The following ANKS1A variants were observed in gnomAD, a reference collection of about 807,000 sequenced individuals.
ANKS1A encodes ankyrin repeat and sterile alpha motif domain containing 1A, also known as ankyrin repeat and SAM domain-containing protein 1A.
In ANKS1A, 55 loss-of-function variants were observed where a neutral mutation model predicts 120.3. The ratio of observed to expected loss-of-function variants is 0.46; its 90% confidence interval spans 0.37 to 0.57. The LOEUF is 0.57. Among genes scored for constraint, ANKS1A ranks in the 20% least tolerant of loss-of-function variants. The pLI is 0.00. For missense variants in ANKS1A, 1,123 were observed against 1,480.3 expected, an observed-to-expected ratio of 0.76 and a Z score of 3.96; for synonymous variants, 590 against 604.7, an observed-to-expected ratio of 0.98 and a Z score of 0.36.
intron 15 of ANKS1A, 29 bp from the exon 16 acceptor site, chr6:35,079,792 C>T: frequency 1.3e-6 from 2 of 1,595,564 alleles, no homozygotes; most frequent in East Asian, 2.3e-5. Context: ...GCCACCTGAC[C>T]TGTCACCTCG....
At position 34,934,625 on chromosome 6, in the gene ANKS1A, G is replaced by A. The variant is rs185066465; in HGVS notation, c.198-32614G>A. ...TCATTCAGCGGTCATGCTTACATCC[G>A]TTTCCCTGGAATCTCATGCAAGAAG... On this transcript the variant is annotated intron_variant, in intron 1 of 23. Coordinates refer to ENST00000360359, the MANE Select transcript of ANKS1A (RefSeq NM_015245.3). 1.8e-3 allele frequency among the ~76,000 whole-genome samples: 273 copies of A among 152,194 alleles called. 2 individuals are homozygous for A. The highest frequency in any genetic ancestry group is 6.2e-3 in the African/African-American group (256 of 41,510).
At chr6:35,038,438 T>A (rs1443856919) in intron 11 of ANKS1A, among the ~76,000 whole-genome samples, 1 of 152,160 alleles carries the variant, frequency 6.6e-6, no homozygotes, top group Non-Finnish European at 1.5e-5. Context: ...GGTATTTGAT[T>A]GCCAACCACC....
chr6:35,086,604 CAG>C lies in ANKS1A; in HGVS notation c.3304-342_3304-341del, dbSNP rs1777999042. On this transcript the variant is annotated intron_variant, in intron 22 of 23. Coordinates refer to ENST00000360359, the MANE Select transcript of ANKS1A (RefSeq NM_015245.3). The surrounding 1 kb of genome is among the most constrained non-coding windows in gnomAD (Gnocchi z 5.1). ...CTTGGGGTGAGCTCTCTGGGCCTAC[CAG>C]AGAGACCCGAGGCTGGACATTTGCA... Among the ~76,000 whole-genome samples the C allele has an allele frequency of 6.6e-6, 1 of 152,092 alleles. No homozygotes were observed. Among genetic ancestry groups the C allele is most frequent in the Non-Finnish European group, 1.5e-5 (1 of 68,008 alleles).
chr6:35,096,447 G>A, the ANKS1A span, among the ~76,000 whole-genome samples: 2 of 152,194 alleles, frequency 1.3e-5, no homozygotes, highest in African/African-American at 4.8e-5. Flanking sequence ...GGTTCTTCCT[G>A]CATGCCTAAT....
At chr6:35,097,733 A>G in the ANKS1A span, among the ~76,000 whole-genome samples, 1 of 152,234 alleles carries the variant, frequency 6.6e-6, no homozygotes, top group Non-Finnish European at 1.5e-5. Context: ...ACCAGCAAAC[A>G]AAAGATAAAT....
At chr6:34,936,028 C>G (rs1034982378) in intron 1 of ANKS1A, among the ~76,000 whole-genome samples, 1 of 138,076 alleles carries the variant, frequency 7.2e-6, no homozygotes, top group African/African-American at 2.8e-5. Flanking sequence ...CGCCACTGCA[C>G]TCCAGCCTGG....
chr6:35,053,782 C>T (rs1205812673), intron 11 of ANKS1A, among the ~76,000 whole-genome samples: 1 of 152,276 alleles, frequency 6.6e-6, no homozygotes, highest in Non-Finnish European at 1.5e-5. Flanking sequence ...TCCCCAGTCT[C>T]TGCTGGTCTG....
At chr6:35,073,599 T>C (rs1364218718) in intron 13 of ANKS1A, among the ~76,000 whole-genome samples, 1 of 152,258 alleles carries the variant, frequency 6.6e-6, no homozygotes, top group African/African-American at 2.4e-5. Context: ...CAGATGTCAC[T>C]TGGAGTTGTG....
At chr6:35,072,292 C>T (rs764720736) in intron 13 of ANKS1A, among the ~76,000 whole-genome samples, 9 of 152,234 alleles carry the variant, frequency 5.9e-5, no homozygotes, top group Non-Finnish European at 1.3e-4. Context: ...TTGTCATGCT[C>T]CTTCCGTTCG....
intron 9 of ANKS1A, among the ~76,000 whole-genome samples, chr6:34,990,148 G>A (rs994253734): frequency 2.0e-5 from 3 of 152,116 alleles, no homozygotes; most frequent in Non-Finnish European, 4.4e-5. Flanking sequence ...ATTTTTTACA[G>A]TATTGCCACG....
At chr6:34,995,035 C>T (rs537637316) in intron 10 of ANKS1A, among the ~76,000 whole-genome samples, 12 of 152,354 alleles carry the variant, frequency 7.9e-5, no homozygotes, top group African/African-American at 2.9e-4. Context: ...TTTGTGTCAA[C>T]CCCTGTTCTA....
downstream of ANKS1A, among the ~76,000 whole-genome samples, chr6:35,093,776 CAG>C (rs890564517): frequency 2.0e-5 from 3 of 152,190 alleles, no homozygotes; most frequent in African/African-American, 7.2e-5. Flanking sequence ...CTTAGCAAGA[CAG>C]AAAATTTAGA....
At chr6:35,010,192 T>A (rs951622066) in intron 10 of ANKS1A, among the ~76,000 whole-genome samples, 2 of 151,916 alleles carry the variant, frequency 1.3e-5, no homozygotes, top group Admixed American at 1.3e-4. Flanking sequence ...ATTTTTTTTT[T>A]AAAGAGTAGA....
At chr6:34,911,448 A>G (rs952517328) in intron 1 of ANKS1A, among the ~76,000 whole-genome samples, 8 of 152,146 alleles carry the variant, frequency 5.3e-5, no homozygotes, top group Admixed American at 2.0e-4. Context: ...TGTGCACAGG[A>G]TAACAGTGGG....
At chr6:35,037,042 C>T (rs12525532) in intron 11 of ANKS1A, among the ~76,000 whole-genome samples, 50,522 of 152,078 alleles carry the variant, frequency 0.33, 9,241 homozygotes, top group Middle Eastern at 0.45. Flanking sequence ...GTTATGAACA[C>T]GCAAGAACCA....
chr6:34,932,415 C>CG (rs1769031168), intron 1 of ANKS1A, among the ~76,000 whole-genome samples: 3 of 151,074 alleles, frequency 2.0e-5, no homozygotes, highest in African/African-American at 7.3e-5. Flanking sequence ...ACTCCTCAGG[C>CG]GATCCGCCTG....
rs1301576770 is a variant in ANKS1A at position 35,057,340 on chromosome 6, G to T, written c.2078-2807G>T. ...GGCCACTCTGGCTCTGTCAACAAAGGCCTTCTCCGTCAAGCAGAAGGGAAC... is the reference window on the plus strand; with the variant it reads ...GGCCACTCTGGCTCTGTCAACAAAGTCCTTCTCCGTCAAGCAGAAGGGAAC... On this transcript the variant is annotated intron_variant, in intron 12 of 23. Transcript: ENST00000360359. This position sits in a 1 kb window ranked among gnomAD's most constrained non-coding sequence, Gnocchi z 4.1. Among the ~76,000 whole-genome samples the T allele has an allele frequency of 1.3e-5, 2 of 152,072 alleles. No individual in the cohort carries two copies. The highest frequency in any genetic ancestry group is 2.9e-5 in the Non-Finnish European group (2 of 68,002).
At chr6:35,001,324 G>T (rs1057306390) in intron 10 of ANKS1A, among the ~76,000 whole-genome samples, 1 of 152,246 alleles carries the variant, frequency 6.6e-6, no homozygotes, top group African/African-American at 2.4e-5. Context: ...ATACCAAGAT[G>T]CAAATGCCTG....
At position 34,983,354 on chromosome 6, in the gene ANKS1A, A is replaced by T; in HGVS notation, c.941A>T (p.Glu314Val). ...DHMTGKRSTK[E>V]VDKTPPPQPP... ...ATGACTGGAAAAAGAAGTACAAAAGAAGTAGATAAAACCCCCCCACCCCAG... is the reference window on the plus strand; with the variant it reads ...ATGACTGGAAAAAGAAGTACAAAAGTAGTAGATAAAACCCCCCCACCCCAG... The change falls in exon 7 of 24, where the codon GAA becomes GTA. Residue 314 changes from glutamate (E) to valine (V), a missense_variant. Glu to Val is a moderately radical substitution (Grantham distance 121). Transcript: ENST00000360359. The T allele has an allele frequency of 6.2e-7, 1 of 1,614,088 alleles. No homozygotes were observed.
Sources: allele counts gnomAD v4.1 joint callset (sites outside exome capture counted in the v4.1 genomes callset), GRCh38; gene constraint gnomAD v4.1.1; non-coding constraint Gnocchi (gnomAD v3.1); transcripts MANE v1.5; gene names NCBI Gene and HGNC (gene_info 2026-07-23, HGNC 2026-07-21).